Variants in ZNF331 observed in about 807,000 individuals in gnomAD.
The protein encoded by ZNF331 is C2H2-like zinc finger protein rearranged in thyroid adenomas.
Under a neutral mutation model 7.0 loss-of-function variants are expected in ZNF331, and 2 were observed. The ratio of observed to expected loss-of-function variants is 0.29; its 90% CI spans 0.12 to 0.90. The LOEUF (loss-of-function observed/expected upper bound fraction) is 0.90. ZNF331 is among the 40% of genes least tolerant of loss of function. The pLI is 0.58. For synonymous variants in ZNF331, 196 were observed against 205.4 expected (o/e 0.95, Z 0.39); for missense variants, 432 against 587.7 (o/e 0.74, Z 2.74).
chr19:53,556,200 A>ATG (rs1568503864), intron 3 of ZNF331, among the ~76,000 whole-genome samples: 15 of 141,544 alleles, frequency 1.1e-4, no homozygotes, highest in African/African-American at 3.4e-4. Flanking sequence ...CCGAGATCGC[A>ATG]CCGCTTCACT....
At chr19:53,575,989 T>TTGTTTTTG (rs1257098598) in intron 5 of ZNF331, among the ~76,000 whole-genome samples, 1 of 151,032 alleles carries the variant, frequency 6.6e-6, no homozygotes, top group African/African-American at 2.4e-5. Flanking sequence ...GTCTGTTTTT[T>TTGTTTTTG]TGTTTTTGTT....
chr19:53,529,033 C>A (rs2087421858), intron 2 of ZNF331, among the ~76,000 whole-genome samples: 1 of 152,168 alleles, frequency 6.6e-6, no homozygotes, highest in Non-Finnish European at 1.5e-5. Flanking sequence ...GTGATCCGCC[C>A]ACCTTGGCCT....
upstream of ZNF331, among the ~76,000 whole-genome samples, chr19:53,520,624 G>C (rs1000237946): frequency 2.6e-5 from 4 of 152,230 alleles, no homozygotes; most frequent in African/African-American, 9.6e-5. Flanking sequence ...CCGACGAAAA[G>C]CATTCTGACG....
intron 3 of ZNF331, among the ~76,000 whole-genome samples, chr19:53,566,890 G>A (rs185124388): frequency 6.6e-6 from 1 of 151,912 alleles, no homozygotes; most frequent in East Asian, 1.9e-4. Context: ...CTTAGGGTTG[G>A]TTTGTCAGCG....
At chr19:53,556,474 G>A (rs1198995863) in intron 3 of ZNF331, among the ~76,000 whole-genome samples, 3 of 151,288 alleles carry the variant, frequency 2.0e-5, no homozygotes, top group Non-Finnish European at 4.4e-5. Context: ...TGACTAAAAG[G>A]GCAAACTTTT....
intron 3 of ZNF331, among the ~76,000 whole-genome samples, chr19:53,567,413 G>A (rs1399572872): frequency 1.3e-5 from 2 of 152,112 alleles, no homozygotes; most frequent in South Asian, 2.1e-4. Context: ...AGCACCCACT[G>A]TCTGATCCTA....
intron 3 of ZNF331, among the ~76,000 whole-genome samples, chr19:53,561,003 CAA>C (rs1425430709): frequency 6.6e-6 from 1 of 152,046 alleles, no homozygotes; most frequent in Non-Finnish European, 1.5e-5. Flanking sequence ...TACAAAAATA[CAA>C]AAGTTAGCCA....
At chr19:53,524,198 A>G (rs1034917123) in intron 2 of ZNF331, among the ~76,000 whole-genome samples, 2 of 152,176 alleles carry the variant, frequency 1.3e-5, no homozygotes. Flanking sequence ...AGTCTTTGCT[A>G]TTGTGAATAG....
upstream of ZNF331, among the ~76,000 whole-genome samples, chr19:53,514,738 C>T (rs1225777071): frequency 1.3e-5 from 2 of 150,074 alleles, no homozygotes; most frequent in Admixed American, 6.7e-5. Context: ...GCAAGCTCCG[C>T]CTCCCGGGTT....
chr19:53,506,353 G>C, the ZNF331 span, among the ~76,000 whole-genome samples: 1 of 120,832 alleles, frequency 8.3e-6, no homozygotes, highest in Non-Finnish European at 1.8e-5. Context: ...AAAAAAAAAA[G>C]AAAAGAATCA....
rs534691034 is a variant in ZNF331 at position 53,559,146 on chromosome 19, A to G, written c.-74+3238A>G. ...ATACACACACACCCCATGTACACAC[A>G]CATATACACACCTACATATATACAC... On this transcript the variant is annotated intron_variant, in intron 3 of 5. Coordinates refer to ENST00000449416, the MANE Select transcript of ZNF331 (RefSeq NM_001079906.2). Among the ~76,000 whole-genome samples the G allele has an allele frequency of 2.8e-5, 4 of 143,886 alleles. 1 individual carries two copies. In the South Asian group the frequency reaches 8.6e-4, roughly 31 times the overall value. The allele number at this position is 143,886 out of a possible 152,430, so 94.4% of individuals were successfully genotyped here.
the ZNF331 span, among the ~76,000 whole-genome samples, chr19:53,514,312 C>A: frequency 1.3e-5 from 2 of 151,968 alleles, no homozygotes; most frequent in African/African-American, 2.4e-5. Flanking sequence ...GATTCTCATG[C>A]CTCAGCCTCC....
In ZNF331 at chr19:53,571,480, G is replaced by A; in HGVS notation, c.10-124G>A. 8.1e-7 allele frequency: 1 copy of A among 1,241,880 alleles called. No individual in the cohort carries two copies. Among genetic ancestry groups the A allele is most frequent in the South Asian group, 1.4e-5 (1 of 69,024 alleles). The allele number at this position is 1,241,880 out of a possible 1,614,324, so 76.9% of individuals were successfully genotyped here. A position where few individuals can be genotyped will look rare whatever the true frequency, so the allele number is the denominator to read the frequency against. Reference sequence around the variant, plus strand: ...TACAGTGATGTCCTTACCGCCCCTTGCCGATGTCACGGGTGTTCAGTCTGC... The same window carrying A: ...TACAGTGATGTCCTTACCGCCCCTTACCGATGTCACGGGTGTTCAGTCTGC... On this transcript the variant is annotated intron_variant, in intron 4 of 5. Transcript: ENST00000449416. This position sits in a 1 kb window ranked among gnomAD's most constrained non-coding sequence, Gnocchi z 4.7.
intron 2 of ZNF331, among the ~76,000 whole-genome samples, chr19:53,526,561 CT>C (rs545640973): frequency 4.9e-5 from 7 of 142,060 alleles, no homozygotes; most frequent in East Asian, 2.1e-4. Context: ...TTTTTTTTTT[CT>C]TTTTTTTTTG....
In ZNF331 at chr19:53,577,907, C is replaced by T. The variant is rs1348187083; in HGVS notation, c.1347C>T (p.Asn449=). ...YECKECGKAC[N]HLNHLREHQR... ...GTAAGGAGTGCGGGAAGGCATGTAA[C>T]CACCTAAACCATCTCCGAGAACATC... The change falls in exon 6 of 6, where the codon AAC becomes AAT. Residue 449 remains asparagine, a synonymous_variant. Transcript: ENST00000449416. 6.2e-7 allele frequency: 1 copy of T among 1,613,640 alleles called. No individual in the cohort carries two copies. The highest frequency in any genetic ancestry group is 1.1e-5 in the South Asian group (1 of 91,072).
At chr19:53,559,489 T>A (rs1352405175) in intron 3 of ZNF331, among the ~76,000 whole-genome samples, 2 of 149,108 alleles carry the variant, frequency 1.3e-5, no homozygotes, top group African/African-American at 2.5e-5. Flanking sequence ...ACACACCATA[T>A]ATATGCATAT....
chr19:53,548,479 A>G (rs1469188594), intron 2 of ZNF331, among the ~76,000 whole-genome samples: 1 of 151,398 alleles, frequency 6.6e-6, no homozygotes, highest in Non-Finnish European at 1.5e-5. Context: ...CTGATCTTAA[A>G]CTCCTGGGCT....
At chr19:53,565,592 T>C (rs1222481556) in intron 3 of ZNF331, among the ~76,000 whole-genome samples, 3 of 152,116 alleles carry the variant, frequency 2.0e-5, no homozygotes, top group Admixed American at 6.5e-5. Flanking sequence ...AGTGGCACGA[T>C]CTGGGCTCAC....
intron 2 of ZNF331, among the ~76,000 whole-genome samples, chr19:53,545,503 G>T (rs566019895): frequency 1.3e-5 from 2 of 152,254 alleles, no homozygotes; most frequent in Admixed American, 6.5e-5. Context: ...GCCGTGGCTC[G>T]CCCGGCATCA....
Sources: gnomAD v4.1 joint callset for allele counts (sites outside exome capture counted in the v4.1 genomes callset) on GRCh38, gnomAD v4.1.1 for gene constraint, Gnocchi (gnomAD v3.1) non-coding constraint, MANE v1.5 for transcripts, NCBI Gene and HGNC (gene_info 2026-07-23, HGNC 2026-07-21) for gene names.